Variants in CNTLN observed in about 807,000 individuals in gnomAD.
CNTLN encodes centlein.
In CNTLN, 212 loss-of-function variants were observed where a neutral mutation model predicts 180.0. The observed-to-expected ratio is 1.18, with a 90% CI of 1.05 to 1.32. The LOEUF (loss-of-function observed/expected upper bound fraction) is 1.32. Ranked by LOEUF, CNTLN falls within the 40% of genes most tolerant of loss-of-function variation. The pLI is 0.00. For synonymous variants in CNTLN, 722 were observed against 563.1 expected, an observed-to-expected ratio of 1.28 and a Z score of -3.99; for missense variants, 2,095 against 1,610.9, an observed-to-expected ratio of 1.30 and a Z score of -5.14.
Position 17,416,005 on chromosome 9 carries a change from C to G in CNTLN, c.2930C>G (p.Ser977Ter), listed in dbSNP as rs765754100. 1.2e-6 allele frequency: 2 copies of G among 1,612,316 alleles called. No individual in the cohort carries two copies. Among genetic ancestry groups the G allele is most frequent in the African/African-American group, 1.3e-5 (1 of 74,818 alleles). Residue 977 changes from serine (S) to a stop codon, truncating the protein, a stop_gained, in exon 18 of 26, where the codon TCA (serine) becomes TGA (stop). Coordinates refer to ENST00000380647, the MANE Select transcript of CNTLN (RefSeq NM_017738.4). LOFTEE classifies it high-confidence loss of function. ...EKYKNITAQKSSSNIILLRER... is the reference protein window; with the variant it reads ...EKYKNITAQK Reference sequence around the variant, plus strand: ...TACAAAAATATAACTGCCCAGAAATCAAGTAGCAATATTATTTTATTACGA... The same window carrying G: ...TACAAAAATATAACTGCCCAGAAATGAAGTAGCAATATTATTTTATTACGA...
In CNTLN at chr9:17,332,603, A is replaced by T. The variant is rs746709705; in HGVS notation, c.1519-2A>T. 3 of 1,601,904 alleles carry T rather than the reference A, an allele frequency of 1.9e-6. No individual in the cohort carries two copies. The highest frequency in any genetic ancestry group is 2.6e-6 in the Non-Finnish European group (3 of 1,175,020). On this transcript the variant is annotated splice_acceptor_variant, in intron 9 of 25. Transcript: ENST00000380647. LOFTEE classifies it high-confidence loss of function. ...CAACCATGTCCTTGTTTTATTCTCG[A>T]GGAACCACCTGTGAAACGTTCAAGG...
chr9:17,260,676 G>T (rs1041686124), intron 5 of CNTLN, among the ~76,000 whole-genome samples: 1 of 151,324 alleles, frequency 6.6e-6, no homozygotes. Context: ...CTTTAGCTAT[G>T]CAGAAGCTCT....
chr9:17,154,774 G>A (rs969091208), intron 2 of CNTLN, among the ~76,000 whole-genome samples: 2 of 152,178 alleles, frequency 1.3e-5, no homozygotes, highest in African/African-American at 2.4e-5. Context: ...ACCAATCAGC[G>A]CTCTGTAAAA....
chr9:17,508,858 G>A (rs568091233), downstream of CNTLN, among the ~76,000 whole-genome samples: 1 of 152,296 alleles, frequency 6.6e-6, no homozygotes, highest in South Asian at 2.1e-4. Context: ...TGAAGGTCAG[G>A]GACTAGGAAA....
the CNTLN span, among the ~76,000 whole-genome samples, chr9:17,519,633 A>G: frequency 1.8e-4 from 28 of 152,338 alleles, no homozygotes; most frequent in Middle Eastern, 3.4e-3. Flanking sequence ...TCTTTGCAAG[A>G]TATATGGTGC....
intron 25 of CNTLN, among the ~76,000 whole-genome samples, chr9:17,498,283 TAAG>T (rs1231920629): frequency 6.6e-6 from 1 of 152,184 alleles, no homozygotes; most frequent in Admixed American, 6.6e-5. Flanking sequence ...GCTATTTTTC[TAAG>T]ATAGTTCTCA....
chr9:17,385,215 C>T (rs1455847203), intron 13 of CNTLN, among the ~76,000 whole-genome samples: 1 of 152,178 alleles, frequency 6.6e-6, no homozygotes, highest in Non-Finnish European at 1.5e-5. Flanking sequence ...ACCTTCAGCA[C>T]CTCAATGTGT....
chr9:17,514,184 C>G, the CNTLN span, among the ~76,000 whole-genome samples: 1 of 150,498 alleles, frequency 6.6e-6, no homozygotes, highest in Non-Finnish European at 1.5e-5. Context: ...ATGACACATG[C>G]CTGTAGTCCC....
rs1177976275 is a variant in CNTLN at position 17,325,406 on chromosome 9, GTGTGTGTA to G, written c.1342-5222_1342-5215del. Among the ~76,000 whole-genome samples, 268 of 144,730 alleles carry G rather than the reference GTGTGTGTA, an allele frequency of 1.9e-3. 3 individuals carry two copies. Among genetic ancestry groups the G allele is most frequent in the African/African-American group, 6.4e-3 (254 of 39,790 alleles). 94.9% of individuals were successfully genotyped at this position (144,730 alleles called of 152,430 possible). A position where few individuals can be genotyped will look rare whatever the true frequency, so the allele number is the denominator to read the frequency against. The stretch of plus-strand genomic sequence containing the variant: ...TGTGTGTGTGTGTGTGTGTGTGTGT[GTGTGTGTA>G]TGTATACACAGACAATTATATACTC... On this transcript the variant is annotated intron_variant, in intron 8 of 25. Transcript: ENST00000380647.
chr9:17,298,164 C>A, intron 6 of CNTLN, 26 bp from the exon 7 acceptor site: 1 of 1,399,754 alleles, frequency 7.1e-7, no homozygotes, highest in South Asian at 2.0e-5. Context: ...CCATACTTTT[C>A]TCTATTTATT....
intron 14 of CNTLN, 92 bp from the exon 15 acceptor site, chr9:17,394,442 A>C: frequency 1.0e-6 from 1 of 995,506 alleles, no homozygotes; most frequent in South Asian, 1.9e-5. Flanking sequence ...CCTTGTGCTA[A>C]ATGTGATTTT....
At chr9:17,521,119 G>A in the CNTLN span, among the ~76,000 whole-genome samples, 406 of 152,260 alleles carry the variant, frequency 2.7e-3, 7 homozygotes, top group Admixed American at 0.024. Flanking sequence ...TCAAGGTGAT[G>A]TTTTAAAATG....
chr9:17,279,371 TTCCCTATTGC>T (rs1828518132), intron 6 of CNTLN, among the ~76,000 whole-genome samples: 1 of 152,198 alleles, frequency 6.6e-6, no homozygotes, highest in Non-Finnish European at 1.5e-5. Flanking sequence ...TACCAGGGCC[TTCCCTATTGC>T]TACCATATGC....
Position 17,332,741 on chromosome 9 carries a change from A to T in CNTLN, c.1644+11A>T. On this transcript the variant is annotated intron_variant, in intron 10 of 25. Transcript: ENST00000380647. Reference sequence around the variant, plus strand: ...GCACTACAACTAAAGGTGAACATTAAATCATTTCTTTAGTAGTAACCTTGC... The same window carrying T: ...GCACTACAACTAAAGGTGAACATTATATCATTTCTTTAGTAGTAACCTTGC... 2 of 1,574,836 alleles carry T rather than the reference A, an allele frequency of 1.3e-6. No homozygotes were observed. The highest frequency in any genetic ancestry group is 1.7e-6 in the Non-Finnish European group (2 of 1,164,652).
intron 14 of CNTLN, among the ~76,000 whole-genome samples, chr9:17,392,577 T>C (rs1295707132): frequency 6.6e-6 from 1 of 152,184 alleles, no homozygotes; most frequent in African/African-American, 2.4e-5. Flanking sequence ...TGCAGAAGTC[T>C]ACAATAGTTT....
rs892158734 is a variant in CNTLN at position 17,327,781 on chromosome 9, C to T, written c.1342-2851C>T. On this transcript the variant is annotated intron_variant, in intron 8 of 25. Transcript: ENST00000380647. The stretch of plus-strand genomic sequence containing the variant: ...CCAGCCTGATCAACATGGTGAAACC[C>T]CTTCTCTACTAAAAATACAAAAGTA... Among the ~76,000 whole-genome samples the T allele has an allele frequency of 3.3e-5, 5 of 151,960 alleles. No homozygotes were observed. In the East Asian group the frequency reaches 9.7e-4, roughly 30 times the overall value.
At chr9:17,180,397 G>T (rs1821051099) in intron 2 of CNTLN, among the ~76,000 whole-genome samples, 1 of 148,342 alleles carries the variant, frequency 6.7e-6, no homozygotes, top group African/African-American at 2.5e-5. Flanking sequence ...ACTTAGCACA[G>T]TGTACTGGTA....
intron 23 of CNTLN, among the ~76,000 whole-genome samples, chr9:17,480,127 G>T (rs28438546): frequency 0.026 from 3,962 of 152,026 alleles, 172 homozygotes; most frequent in African/African-American, 0.09. Context: ...GGAGTTCAAG[G>T]CTATAGTGAG....
rs71492913 is a variant in CNTLN, at chr9:17,327,213, C to CTTTT, written c.1342-3404_1342-3401dup. Among the ~76,000 whole-genome samples, 69 of 117,758 alleles carry CTTTT rather than the reference C, an allele frequency of 5.9e-4. 3 individuals are homozygous for CTTTT. The highest frequency in any genetic ancestry group is 1.0e-3 in the African/African-American group (32 of 31,698). 77.3% of individuals were successfully genotyped at this position (117,758 alleles called of 152,430 possible). A position where few individuals can be genotyped will look rare whatever the true frequency, so the allele number is the denominator to read the frequency against. On this transcript the variant is annotated intron_variant, in intron 8 of 25. Coordinates refer to ENST00000380647, the MANE Select transcript of CNTLN (RefSeq NM_017738.4). Reference sequence around the variant, plus strand: ...AAATGACAAAAATATAGTAGTTAACCTTTTTTTTTTTTTTTTTTGAGATGG... The same window carrying CTTTT: ...AAATGACAAAAATATAGTAGTTAACCTTTTTTTTTTTTTTTTTTTTTTGAGATGG...
Sources: allele counts gnomAD v4.1 joint callset (sites outside exome capture counted in the v4.1 genomes callset), GRCh38; gene constraint gnomAD v4.1.1; transcripts MANE v1.5; gene names NCBI Gene and HGNC (gene_info 2026-07-23, HGNC 2026-07-21).